Variants in SGCZ observed in about 807,000 individuals in gnomAD.
SGCZ encodes the protein sarcoglycan zeta, also known as zeta-sarcoglycan.
Under a neutral mutation model 41.3 loss-of-function variants are expected in SGCZ, and 40 were observed. The observed-to-expected ratio is 0.97, with a 90% CI of 0.75 to 1.26. The LOEUF (loss-of-function observed/expected upper bound fraction) is 1.26, where lower values mean the gene tolerates loss of function less well. Ranked by LOEUF, SGCZ falls within the 50% of genes most tolerant of loss-of-function variation. SGCZ has a pLI of 0.00. For synonymous variants in SGCZ, 206 were observed against 137.5 expected (o/e 1.50, Z -3.49); for missense variants, 552 against 369.8 (o/e 1.49, Z -4.04).
intron 1 of SGCZ, among the ~76,000 whole-genome samples, chr8:14,984,649 T>A (rs556091088): frequency 6.6e-6 from 1 of 152,312 alleles, no homozygotes; most frequent in Admixed American, 6.5e-5. Flanking sequence ...AAATGCTTGG[T>A]TATATTCAGG....
At chr8:15,000,619 G>A (rs1802383227) in intron 1 of SGCZ, among the ~76,000 whole-genome samples, 1 of 152,136 alleles carries the variant, frequency 6.6e-6, no homozygotes, top group Admixed American at 6.5e-5. Flanking sequence ...CCAGCCACGT[G>A]TACAGCAAAG....
At chr8:14,610,385 C>T (rs1040110630) in intron 1 of SGCZ, among the ~76,000 whole-genome samples, 5 of 152,152 alleles carry the variant, frequency 3.3e-5, no homozygotes, top group East Asian at 1.9e-4. Context: ...TCTGCACAGA[C>T]TTTCTTAGAA....
intron 2 of SGCZ, among the ~76,000 whole-genome samples, chr8:14,378,528 C>T (rs1233792632): frequency 6.6e-6 from 1 of 152,082 alleles, no homozygotes; most frequent in Non-Finnish European, 1.5e-5. Context: ...ACAACCTACT[C>T]ATCTGACAAA....
chr8:14,691,835 A>G (rs1808808357), intron 1 of SGCZ, among the ~76,000 whole-genome samples: 1 of 152,026 alleles, frequency 6.6e-6, no homozygotes, highest in Non-Finnish European at 1.5e-5. Context: ...ATAAGAAAAC[A>G]ACACAAAAAT....
At chr8:14,222,380 G>A (rs962512825) in intron 4 of SGCZ, among the ~76,000 whole-genome samples, 1 of 152,010 alleles carries the variant, frequency 6.6e-6, no homozygotes, top group East Asian at 1.9e-4. Context: ...ATCTTGGCCA[G>A]GCTGGTCTTG....
chr8:14,633,540 A>G (rs1050104880), intron 1 of SGCZ, among the ~76,000 whole-genome samples: 1 of 151,976 alleles, frequency 6.6e-6, no homozygotes, highest in Non-Finnish European at 1.5e-5. Flanking sequence ...TAACTAGAAT[A>G]AAAAGTTGGC....
At chr8:14,488,613 A>G (rs1269855641) in intron 2 of SGCZ, among the ~76,000 whole-genome samples, 1 of 152,050 alleles carries the variant, frequency 6.6e-6, no homozygotes, top group South Asian at 2.1e-4. Context: ...CAGTGCCCCA[A>G]TCTTTCCATC....
At chr8:14,382,393 T>G (rs1804400376) in intron 2 of SGCZ, among the ~76,000 whole-genome samples, 1 of 151,764 alleles carries the variant, frequency 6.6e-6, no homozygotes, top group Non-Finnish European at 1.5e-5. Context: ...TACAGACCTG[T>G]CTGATGGTCA....
rs1039020220 is a variant in SGCZ, at chr8:14,890,264, GGAAAGGAAGGAAAGAAAC to G, written c.40-335356_40-335339del. Among the ~76,000 whole-genome samples the G allele has an allele frequency of 1.9e-4, 29 of 149,340 alleles. No individual in the cohort carries two copies. The East Asian group carries it at 3.5e-3, about 18-fold the overall frequency. ...AGAGAAAGAGAGAAAGGAAAAGGAAGGAAAGGAAGGAAAGAAACGAAAGGAAGGAAAGAAACGAAAGAA... is the reference window on the plus strand; with the variant it reads ...AGAGAAAGAGAGAAAGGAAAAGGAAGGAAAGGAAGGAAAGAAACGAAAGAA... On this transcript the variant is annotated intron_variant, in intron 1 of 7. Coordinates refer to ENST00000382080, the MANE Select transcript of SGCZ (RefSeq NM_139167.4).
chr8:14,799,791 T>G (rs1801259622), intron 1 of SGCZ, among the ~76,000 whole-genome samples: 1 of 152,166 alleles, frequency 6.6e-6, no homozygotes, highest in African/African-American at 2.4e-5. Flanking sequence ...TACTTCTCGC[T>G]GGCCTGCAGT....
At chr8:14,845,851 C>T (rs569693834) in intron 1 of SGCZ, among the ~76,000 whole-genome samples, 185 of 152,188 alleles carry the variant, frequency 1.2e-3, no homozygotes, top group Non-Finnish European at 1.4e-3. Flanking sequence ...TATATGTTTT[C>T]TACAAAGAAA....
At chr8:15,031,133 A>G (rs538281619) in intron 1 of SGCZ, among the ~76,000 whole-genome samples, 2 of 152,084 alleles carry the variant, frequency 1.3e-5, no homozygotes, top group South Asian at 2.1e-4. Context: ...ACCAATCTGC[A>G]TTGAGGTAGC....
intron 1 of SGCZ, among the ~76,000 whole-genome samples, chr8:14,817,993 C>T (rs1022699035): frequency 1.3e-5 from 2 of 152,172 alleles, no homozygotes; most frequent in Admixed American, 1.3e-4. Context: ...CCTGCAGGTA[C>T]ATTTACTTAT....
rs991002311 is a variant in SGCZ at position 14,200,737 on chromosome 8, G to A, written c.425-36035C>T. On this transcript the variant is annotated intron_variant, in intron 4 of 7. Coordinates refer to ENST00000382080, the MANE Select transcript of SGCZ (RefSeq NM_139167.4). Reference sequence around the variant, plus strand: ...GAATAAAGTCTTTGTGACCTTGAGTGAGTCAATGATCTTATTAACTATGGC... The same window carrying A: ...GAATAAAGTCTTTGTGACCTTGAGTAAGTCAATGATCTTATTAACTATGGC... Among the ~76,000 whole-genome samples the A allele has an allele frequency of 3.9e-5, 6 of 152,106 alleles. No homozygotes were observed. In the South Asian group the frequency reaches 6.2e-4, roughly 16 times the overall value.
intron 3 of SGCZ, among the ~76,000 whole-genome samples, chr8:14,238,538 C>A (rs546726344): frequency 2.6e-5 from 4 of 152,100 alleles, no homozygotes; most frequent in Admixed American, 2.0e-4. Context: ...TAGCATTTAA[C>A]AGTAAAACAG....
intron 1 of SGCZ, among the ~76,000 whole-genome samples, chr8:14,975,454 C>A (rs773713462): frequency 1.3e-5 from 2 of 152,154 alleles, no homozygotes; most frequent in Admixed American, 6.5e-5. Flanking sequence ...AGACAACAAT[C>A]TGAAAGATAT....
Position 14,635,798 on chromosome 8 carries a change from G to A in SGCZ, c.40-80872C>T, listed in dbSNP as rs574817126. On this transcript the variant is annotated intron_variant, in intron 1 of 7. Coordinates refer to ENST00000382080, the MANE Select transcript of SGCZ (RefSeq NM_139167.4). Reference sequence around the variant, plus strand: ...TAGAACATATCCCTGGATGTTAAGTGCAGACTGCTATACTGTAATTGATGC... The same window carrying A: ...TAGAACATATCCCTGGATGTTAAGTACAGACTGCTATACTGTAATTGATGC... 8.3e-4 allele frequency among the ~76,000 whole-genome samples: 126 copies of A among 151,988 alleles called. 2 individuals are homozygous for A. The highest frequency in any genetic ancestry group is 3.0e-3 in the African/African-American group (124 of 41,526).
At chr8:14,893,053 C>G (rs533552389) in intron 1 of SGCZ, among the ~76,000 whole-genome samples, 1 of 152,174 alleles carries the variant, frequency 6.6e-6, no homozygotes, top group African/African-American at 2.4e-5. Context: ...CCTAACTTGC[C>G]GAGAGGGACT....
chr8:14,288,677 C>T (rs540212595), intron 3 of SGCZ, among the ~76,000 whole-genome samples: 23 of 152,192 alleles, frequency 1.5e-4, no homozygotes, highest in African/African-American at 5.3e-4. Context: ...TTTATCTATC[C>T]ATCCACTGAT....
Sources: gnomAD v4.1 joint callset for allele counts (sites outside exome capture counted in the v4.1 genomes callset) on GRCh38, gnomAD v4.1.1 for gene constraint, MANE v1.5 for transcripts, NCBI Gene and HGNC (gene_info 2026-07-23, HGNC 2026-07-21) for gene names.